Variants in NRK observed in about 807,000 individuals in gnomAD.
NRK encodes the protein nik-related protein kinase.
A neutral mutation model predicts 125.2 loss-of-function variants in NRK; 67 were observed. The ratio of observed to expected loss-of-function variants is 0.54; its 90% CI spans 0.44 to 0.66. NRK has a LOEUF of 0.66. NRK is among the 30% of genes least tolerant of loss of function. The probability of loss-of-function intolerance (pLI) is 0.00; values close to 1 mark genes in which losing one functional copy is unlikely to be tolerated. For synonymous variants in NRK, 458 were observed against 429.0 expected, an observed-to-expected ratio of 1.07 and a Z score of -0.84; for missense variants, 1,224 against 1,192.9, an observed-to-expected ratio of 1.03 and a Z score of -0.38.
In NRK at chrX:105,902,339, A is replaced by AG. The variant is rs767860430; in HGVS notation, c.766+1668dup. Among the ~76,000 whole-genome samples the AG allele has an allele frequency of 3.3e-4, 37 of 111,464 alleles. 2 individuals are homozygous for AG. Among genetic ancestry groups the AG allele is most frequent in the Admixed American group, 2.4e-3 (25 of 10,491 alleles). ...ACTTTGGTCAAGAGCAGCCCTAAAT[A>AG]GCCTCCCTACTAAAACATTTCTCTT... On this transcript the variant is annotated intron_variant, in intron 9 of 28. Coordinates refer to ENST00000243300, the MANE Select transcript of NRK (RefSeq NM_198465.4).
chrX:105,927,020 G>T (rs899085289), intron 19 of NRK, among the ~76,000 whole-genome samples: 1 of 111,010 alleles, frequency 9.0e-6, no homozygotes, highest in African/African-American at 3.3e-5. Context: ...TGTGAAGAAT[G>T]TCATTGGTAT....
chrX:105,949,721 A>T lies in NRK; in HGVS notation c.4500A>T (p.Ile1500=). 8.4e-7 allele frequency: 1 copy of T among 1,190,818 alleles called. No individual in the cohort carries two copies. Among genetic ancestry groups the T allele is most frequent in the Non-Finnish European group, 1.1e-6 (1 of 878,952 alleles). ...AGATCCTTGAAATGTGGAAAGACAT[A>T]CCATCTTCTATAGGTATGTATACAA... is the stretch of plus-strand genomic sequence containing the variant. ...FKKILEMWKD[I]PSSIAFECTQ... The change falls in exon 27 of 29, where the codon ATA becomes ATT. Residue 1500 remains isoleucine (I), a synonymous_variant. Transcript: ENST00000243300.
At chrX:105,921,894 G>T in intron 16 of NRK, 70 bp from the exon 17 acceptor site, 1 of 469,069 alleles carries the variant, frequency 2.1e-6, no homozygotes. Context: ...GGATTTAACT[G>T]ATACACTATA....
rs747690301 is a variant in NRK at position 105,876,310 on chromosome X, A to G, written c.124-3889A>G. 1.8e-4 allele frequency among the ~76,000 whole-genome samples: 20 copies of G among 111,470 alleles called. 1 individual carries two copies. In the South Asian group the frequency reaches 7.5e-3, roughly 42 times the overall value. ...AGAAAAATAATAAGCATGCAGTGTA[A>G]TGCATATGTTAATTAGCTCAATTTA... On this transcript the variant is annotated intron_variant, in intron 2 of 28. Coordinates refer to ENST00000243300, the MANE Select transcript of NRK (RefSeq NM_198465.4).
chrX:105,919,349 A>G (rs2040408999), intron 16 of NRK, among the ~76,000 whole-genome samples: 1 of 111,698 alleles, frequency 9.0e-6, no homozygotes, highest in African/African-American at 3.2e-5. Context: ...CCACAACTCA[A>G]TATTAAAACC....
chrX:105,909,593 C>G lies in NRK; in HGVS notation c.1952C>G (p.Pro651Arg), dbSNP rs750739559. 1.7e-6 allele frequency: 2 copies of G among 1,205,333 alleles called. No individual in the cohort carries two copies. Among genetic ancestry groups the G allele is most frequent in the Non-Finnish European group, 2.2e-6 (2 of 891,737 alleles). ...EGLSRDLLRA[P>R]NSNNSKPLGP... ...CTATCAAGAGACTTGCTTCGGGCAC[C>G]AAACTCAAATAACTCAAAGCCACTT... Residue 651 changes from proline to arginine, a missense_variant, in exon 13 of 29, where the codon CCA becomes CGA. Coordinates refer to ENST00000243300, the MANE Select transcript of NRK (RefSeq NM_198465.4).
chrX:105,861,760 T>G (rs1486020934), intron 2 of NRK, among the ~76,000 whole-genome samples: 2 of 112,325 alleles, frequency 1.8e-5, no homozygotes, highest in Non-Finnish European at 3.8e-5. Context: ...TGAATTTGAT[T>G]TAAATTTTTG....
chrX:105,902,257 A>G (rs2040168163), intron 9 of NRK, among the ~76,000 whole-genome samples: 3 of 111,094 alleles, frequency 2.7e-5, no homozygotes, highest in Non-Finnish European at 1.9e-5. Flanking sequence ...GAGATTTGGA[A>G]CTCACAAAGG....
At chrX:105,930,846 T>C (rs1024960048) in intron 19 of NRK, among the ~76,000 whole-genome samples, 2 of 111,866 alleles carry the variant, frequency 1.8e-5, no homozygotes, top group African/African-American at 3.3e-5. Context: ...CAACGTTTGC[T>C]AGTACCTCAC....
chrX:105,916,910 A>C (rs757803351), intron 15 of NRK, among the ~76,000 whole-genome samples: 5 of 111,947 alleles, frequency 4.5e-5, no homozygotes, highest in Non-Finnish European at 7.5e-5. Context: ...AAGTTAACTT[A>C]AATGAAACTC....
At chrX:105,922,641 T>C in intron 17 of NRK, among the ~76,000 whole-genome samples, 1 of 111,891 alleles carries the variant, frequency 8.9e-6, no homozygotes, top group South Asian at 3.7e-4. Context: ...ATACATACCA[T>C]ACTTAAAAGA....
At chrX:105,953,482 T>C (rs368962974) in intron 28 of NRK, among the ~76,000 whole-genome samples, 7 of 112,126 alleles carry the variant, frequency 6.2e-5, no homozygotes, top group African/African-American at 2.3e-4. Flanking sequence ...TGATTCATAG[T>C]ACCTTTCATG....
intron 16 of NRK, among the ~76,000 whole-genome samples, chrX:105,919,573 A>G (rs2040411553): frequency 8.9e-6 from 1 of 111,945 alleles, no homozygotes; most frequent in Non-Finnish European, 1.9e-5. Flanking sequence ...GTTAATGGAC[A>G]GTTCAGATAC....
At chrX:105,919,965 G>A (rs2040417478) in intron 16 of NRK, among the ~76,000 whole-genome samples, 1 of 104,545 alleles carries the variant, frequency 9.6e-6, no homozygotes, top group African/African-American at 3.5e-5. Flanking sequence ...TGAAGTCCTT[G>A]CCCATGCCTA....
chrX:105,858,120 G>A (rs933489801), intron 2 of NRK, among the ~76,000 whole-genome samples: 2 of 111,461 alleles, frequency 1.8e-5, no homozygotes, highest in Non-Finnish European at 3.8e-5. Flanking sequence ...GATGCCTCTT[G>A]GTTAAGTTAA....
intron 1 of NRK, among the ~76,000 whole-genome samples, chrX:105,826,140 T>C (rs554863361): frequency 2.1e-5 from 2 of 93,529 alleles, no homozygotes; most frequent in South Asian, 9.5e-4. Flanking sequence ...GTAAGATATA[T>C]ATATGATTAT....
intron 4 of NRK, 147 bp from the exon 5 acceptor site, chrX:105,888,147 A>T (rs1032863215): frequency 5.0e-5 from 22 of 436,435 alleles, no homozygotes; most frequent in Non-Finnish European, 8.2e-5. Flanking sequence ...TCATTCACTG[A>T]CCATTTTAGT....
In NRK at chrX:105,923,478, C is replaced by A; in HGVS notation, c.2971C>A (p.Pro991Thr). Residue 991 changes from proline (P) to threonine (T), a missense_variant, in exon 18 of 29, where the codon CCA (proline) becomes ACA (threonine). Pro to Thr is a conservative substitution (Grantham distance 38). Coordinates refer to ENST00000243300, the MANE Select transcript of NRK (RefSeq NM_198465.4). ...TAATTATTATGAGGCGCCTAGTTGT[C>A]CAAGGTTGGTTTTTTTGAATTACTT... is the stretch of plus-strand genomic sequence containing the variant. Reference protein sequence around the residue: ...NNNYYEAPSCPRASYGRDGSC... With the variant: ...NNNYYEAPSCTRASYGRDGSC... 9.0e-7 allele frequency: 1 copy of A among 1,116,805 alleles called. No individual in the cohort carries two copies. The allele number at this position is 1,116,805 out of a possible 1,213,427, so 92.0% of individuals were successfully genotyped here.
chrX:105,947,063 A>C (rs1181961796), intron 26 of NRK, among the ~76,000 whole-genome samples: 1 of 111,968 alleles, frequency 8.9e-6, no homozygotes. Flanking sequence ...AAATTATCAT[A>C]AAATGTTCTC....
Sources: allele counts gnomAD v4.1 joint callset (sites outside exome capture counted in the v4.1 genomes callset), GRCh38; gene constraint gnomAD v4.1.1; transcripts MANE v1.5; gene names NCBI Gene and HGNC (gene_info 2026-07-23, HGNC 2026-07-21).